Variants in CFAP57 observed in about 807,000 individuals in gnomAD.
CFAP57 encodes cilia- and flagella-associated protein 57.
Under a neutral mutation model 146.8 loss-of-function variants are expected in CFAP57, and 116 were observed. The ratio of observed to expected loss-of-function variants is 0.79; its 90% confidence interval spans 0.68 to 0.92. The LOEUF (loss-of-function observed/expected upper bound fraction) is 0.92, where lower values mean the gene tolerates loss of function less well. CFAP57 is among the 40% of genes least tolerant of loss of function. CFAP57 has a pLI of 0.00. For missense variants in CFAP57, 1,377 were observed against 1,527.2 expected (o/e 0.90, Z 1.64); for synonymous variants, 518 against 552.8 (o/e 0.94, Z 0.88).
At chr1:43,209,030 G>T (rs774085338) in intron 10 of CFAP57, among the ~76,000 whole-genome samples, 2 of 152,024 alleles carry the variant, frequency 1.3e-5, no homozygotes, top group Admixed American at 6.6e-5. Flanking sequence ...TCTTATAACC[G>T]TTCTATTTTA....
At chr1:43,222,632 C>T (rs1032806342) in intron 15 of CFAP57, among the ~76,000 whole-genome samples, 192 bp from the exon 16 acceptor site, 1 of 152,072 alleles carries the variant, frequency 6.6e-6, no homozygotes, top group Admixed American at 6.5e-5. Flanking sequence ...AGAGGGGAGG[C>T]AGGAAGACAG....
Position 43,234,402 on chromosome 1 carries a change from C to G in CFAP57, c.3250C>G (p.Arg1084Gly). The G allele has an allele frequency of 1.3e-6, 2 of 1,548,466 alleles. No individual in the cohort carries two copies. Among genetic ancestry groups the G allele is most frequent in the Non-Finnish European group, 8.7e-7 (1 of 1,145,926 alleles). The change falls in exon 20 of 23, where the codon CGA (arginine) becomes GGA (glycine). Residue 1084 changes from arginine to glycine, a missense_variant. By Grantham distance (125) the Arg-to-Gly change is moderately radical. Transcript: ENST00000372492. The part of the protein sequence containing the change: ...VRGLFEKYVQ[R>G]ADMVEIAGLN... ...AGGTCTCTTTGAGAAGTACGTGCAGCGAGCAGACATGGTAAGCTCAGCCTC... is the reference window on the plus strand; with the variant it reads ...AGGTCTCTTTGAGAAGTACGTGCAGGGAGCAGACATGGTAAGCTCAGCCTC...
Position 43,185,257 on chromosome 1 carries a change from C to G in CFAP57, c.870C>G (p.Ala290=). ...MSMPQVFAIA[A]YSKGFACSAG... is the part of the protein sequence containing the mutation. ...TGCCCCAGGTGTTTGCCATTGCAGC[C>G]TATTCAAAGGGATTTGCCTGTTCTG... The change falls in exon 5 of 23, where the codon GCC becomes GCG. Residue 290 remains alanine (A), a synonymous_variant. Transcript: ENST00000372492. 1 of 1,614,142 alleles carries G rather than the reference C, an allele frequency of 6.2e-7. No individual in the cohort carries two copies. The highest frequency in any genetic ancestry group is 1.1e-5 in the South Asian group (1 of 91,084).
Position 43,185,238 on chromosome 1 carries a change from A to G in CFAP57, c.851A>G (p.Gln284Arg). 2.5e-6 allele frequency: 4 copies of G among 1,614,114 alleles called. No individual in the cohort carries two copies. The highest frequency in any genetic ancestry group is 3.4e-6 in the Non-Finnish European group (4 of 1,180,016). ...ASSHSQMSMP[Q>R]VFAIAAYSKG... ...AGCCATAGCCAGATGTCCATGCCCC[A>G]GGTGTTTGCCATTGCAGCCTATTCA... Residue 284 changes from glutamine to arginine, a missense_variant, in exon 5 of 23, where the codon CAG becomes CGG. Physicochemically the swap from Gln to Arg is conservative, Grantham distance 43. Transcript: ENST00000372492.
At chr1:43,230,361 T>A (rs1645418731) in intron 18 of CFAP57, among the ~76,000 whole-genome samples, 1 of 152,170 alleles carries the variant, frequency 6.6e-6, no homozygotes, top group Non-Finnish European at 1.5e-5. Flanking sequence ...GGCCCCCGTC[T>A]TGCTCTTTTC....
At chr1:43,183,435 G>A (rs1414461996) in intron 3 of CFAP57, among the ~76,000 whole-genome samples, 156 bp from the exon 4 acceptor site, 2 of 152,158 alleles carry the variant, frequency 1.3e-5, no homozygotes, top group Admixed American at 1.3e-4. Flanking sequence ...TTATAGATGT[G>A]TGCCCTTATC....
At chr1:43,249,509 A>G (rs1646254717) in intron 22 of CFAP57, among the ~76,000 whole-genome samples, 1 of 129,880 alleles carries the variant, frequency 7.7e-6, no homozygotes. Context: ...GGCTCACTGC[A>G]ACCTCTGCCT....
At chr1:43,205,812 A>T (rs533948459) in intron 9 of CFAP57, among the ~76,000 whole-genome samples, 71 of 151,622 alleles carry the variant, frequency 4.7e-4, no homozygotes, top group South Asian at 1.1e-3. Flanking sequence ...GGAGTCGCTT[A>T]TCTTGGCCAC....
Position 43,185,678 on chromosome 1 carries a change from C to CAAAAAAA in CFAP57, c.969+335_969+341dup, listed in dbSNP as rs57421849. Among the ~76,000 whole-genome samples the CAAAAAAA allele has an allele frequency of 7.3e-3, 479 of 65,614 alleles. 8 individuals carry two copies. The highest frequency in any genetic ancestry group is 0.024 in the Admixed American group (155 of 6,332). The allele number at this position is 65,614 out of a possible 152,430, so 43.0% of individuals were successfully genotyped here. On this transcript the variant is annotated intron_variant, in intron 5 of 22. Transcript: ENST00000372492. ...GCAACATGGTGAAACCCCATCTCTACAAAAAAAAAAAAAAAAAAATTATGA... is the reference window on the plus strand; with the variant it reads ...GCAACATGGTGAAACCCCATCTCTACAAAAAAAAAAAAAAAAAAAAAAAAAATTATGA...
chr1:43,222,437 T>A, intron 15 of CFAP57, 142 bp downstream of exon 15: 4 of 701,904 alleles, frequency 5.7e-6, no homozygotes, highest in Non-Finnish European at 8.4e-6. Context: ...GGAACTTATA[T>A]CAAATGGGAG....
At chr1:43,239,617 T>C (rs1224161816) in intron 21 of CFAP57, among the ~76,000 whole-genome samples, 1 of 152,202 alleles carries the variant, frequency 6.6e-6, no homozygotes, top group Admixed American at 6.5e-5. Flanking sequence ...TGGATGGAGA[T>C]GACCAAAAAG....
In CFAP57 at chr1:43,186,754, G is replaced by C; in HGVS notation, c.1017G>C (p.Gln339His). The C allele has an allele frequency of 1.2e-6, 2 of 1,614,148 alleles. No individual in the cohort carries two copies. Among genetic ancestry groups the C allele is most frequent in the South Asian group, 2.2e-5 (2 of 91,078 alleles). ...QSNDPSQSDK[Q>H]DVLCLCFSPS... is the part of the protein sequence containing the mutation. ...ATGATCCAAGTCAGTCTGACAAACAGGACGTTCTCTGCCTGTGCTTCAGCC... is the reference window on the plus strand; with the variant it reads ...ATGATCCAAGTCAGTCTGACAAACACGACGTTCTCTGCCTGTGCTTCAGCC... The change falls in exon 6 of 23, where the codon CAG (glutamine) becomes CAC (histidine). Residue 339 changes from glutamine to histidine, a missense_variant. Gln to His is a conservative substitution (Grantham distance 24). Transcript: ENST00000372492.
chr1:43,226,429 C>T (rs931934846), intron 17 of CFAP57, among the ~76,000 whole-genome samples: 4 of 152,118 alleles, frequency 2.6e-5, no homozygotes, highest in African/African-American at 7.2e-5. Context: ...TTGATCAGAG[C>T]CCCTAATGTG....
intron 21 of CFAP57, among the ~76,000 whole-genome samples, chr1:43,240,598 A>G (rs1479118488): frequency 6.6e-6 from 1 of 152,200 alleles, no homozygotes; most frequent in East Asian, 1.9e-4. Flanking sequence ...AAATCCTAGC[A>G]TGAAGAATGA....
chr1:43,213,791 T>C (rs138933717), intron 11 of CFAP57, among the ~76,000 whole-genome samples: 2,985 of 152,264 alleles, frequency 0.02, 110 homozygotes, highest in African/African-American at 0.068. Context: ...TTGATTTGCA[T>C]TTCCCTGATG....
chr1:43,198,017 C>G (rs1007039655), intron 7 of CFAP57, among the ~76,000 whole-genome samples: 28 of 152,166 alleles, frequency 1.8e-4, no homozygotes, highest in African/African-American at 6.3e-4. Context: ...AGGAACTGCT[C>G]TTTGCTTCAG....
chr1:43,186,679 A>T (rs1188212052), intron 5 of CFAP57, 28 bp from the exon 6 acceptor site: 2 of 1,612,728 alleles, frequency 1.2e-6, no homozygotes, highest in Non-Finnish European at 1.7e-6. Flanking sequence ...TGGGGACATT[A>T]CTGATAGCTG....
intron 2 of CFAP57, among the ~76,000 whole-genome samples, chr1:43,180,239 A>ATATATATATAT (rs779998085): frequency 2.6e-4 from 37 of 144,994 alleles, no homozygotes; most frequent in Admixed American, 1.7e-3. Context: ...ATATATATAT[A>ATATATATATAT]AAATATATAT....
intron 16 of CFAP57, among the ~76,000 whole-genome samples, chr1:43,223,677 C>A (rs1309901151): frequency 6.6e-6 from 1 of 152,108 alleles, no homozygotes; most frequent in Non-Finnish European, 1.5e-5. Context: ...CAGTTAGGGC[C>A]CACTTTCTGT....
Sources: allele counts gnomAD v4.1 joint callset (sites outside exome capture counted in the v4.1 genomes callset), GRCh38; gene constraint gnomAD v4.1.1; transcripts MANE v1.5; gene names NCBI Gene and HGNC (gene_info 2026-07-23, HGNC 2026-07-21).